SORBS2: variants seen among roughly 807,000 people sequenced by gnomAD.
The protein encoded by SORBS2 is sorbin and SH3 domain containing 2, also known as sorbin and SH3 domain-containing protein 2.
Under a neutral mutation model 97.7 loss-of-function variants are expected in SORBS2, and 46 were observed. That is an observed-to-expected ratio of 0.47 (90% CI 0.37 to 0.60). The LOEUF (loss-of-function observed/expected upper bound fraction) is 0.60, where lower values mean the gene tolerates loss of function less well. Among genes scored for constraint, SORBS2 ranks in the 20% least tolerant of loss-of-function variants. The pLI, the probability that SORBS2 is intolerant of heterozygous loss-of-function variation, is 0.00. For synonymous variants in SORBS2, 476 were observed against 473.4 expected, an observed-to-expected ratio of 1.01 and a Z score of -0.07; for missense variants, 1,316 against 1,282.3, an observed-to-expected ratio of 1.03 and a Z score of -0.40.
intron 1 of SORBS2, chr4:185,933,016 C>A (rs1004673070): frequency 2.0e-5 from 3 of 152,316 alleles, no homozygotes; most frequent in Admixed American, 6.5e-5. Flanking sequence ...TAAAGTGTTT[C>A]ACATCATTAC....
At chr4:185,892,617 C>A (rs1044365480) in intron 1 of SORBS2, among the ~76,000 whole-genome samples, 2 of 152,106 alleles carry the variant, frequency 1.3e-5, no homozygotes, top group Admixed American at 6.5e-5. Context: ...TGGCACATGT[C>A]GCAACATGGA....
At chr4:185,925,307 ACG>A (rs892848908) in intron 1 of SORBS2, among the ~76,000 whole-genome samples, 1 of 152,152 alleles carries the variant, frequency 6.6e-6, no homozygotes, top group African/African-American at 2.4e-5. Flanking sequence ...AAATTGATAA[ACG>A]CATTGTCTTA....
At chr4:185,848,451 A>G (rs967603568) in intron 1 of SORBS2, among the ~76,000 whole-genome samples, 10 of 152,166 alleles carry the variant, frequency 6.6e-5, no homozygotes, top group Non-Finnish European at 1.3e-4. Context: ...ACTGATTTTG[A>G]AACCAGGAAA....
Position 185,638,799 on chromosome 4 carries a change from C to T in SORBS2, c.396+7869G>A, listed in dbSNP as rs1561582800. On this transcript the variant is annotated intron_variant, in intron 4 of 14. Coordinates refer to ENST00000418609, the Ensembl canonical transcript of SORBS2. Reference sequence around the variant, plus strand: ...GAGCGGGACCCGGGGGAGTGGGAGTCGCCAGGCTCTGAGCAAGCAAGGGCT... The same window carrying T: ...GAGCGGGACCCGGGGGAGTGGGAGTTGCCAGGCTCTGAGCAAGCAAGGGCT... The T allele has an allele frequency of 1.1e-5, 15 of 1,337,490 alleles. No individual in the cohort carries two copies. The East Asian group carries it at 3.4e-4, about 30-fold the overall frequency. The allele number at this position is 1,337,490 out of a possible 1,614,324, so 82.9% of individuals were successfully genotyped here.
At chr4:185,775,591 T>G (rs1338335823) in intron 1 of SORBS2, 1 of 152,158 alleles carries the variant, frequency 6.6e-6, no homozygotes, top group Non-Finnish European at 1.5e-5. Flanking sequence ...TGTGCAAATA[T>G]TCATTTAAAT....
chr4:185,704,562 AC>A (rs1293335030), intron 2 of SORBS2, among the ~76,000 whole-genome samples: 2 of 151,390 alleles, frequency 1.3e-5, no homozygotes, highest in African/African-American at 4.9e-5. Context: ...CAGGTGATCC[AC>A]CCCCCTCGGC....
intron 1 of SORBS2, among the ~76,000 whole-genome samples, chr4:185,887,055 C>T (rs866500450): frequency 1.3e-5 from 2 of 152,086 alleles, no homozygotes; most frequent in African/African-American, 4.8e-5. Context: ...GGCTTTGCAG[C>T]ACACTTGAGT....
intron 2 of SORBS2, among the ~76,000 whole-genome samples, chr4:185,754,526 T>C (rs2098819703): frequency 6.6e-6 from 1 of 152,244 alleles, no homozygotes; most frequent in Non-Finnish European, 1.5e-5. Flanking sequence ...ACACGTTTTA[T>C]GTATAATCAC....
intron 1 of SORBS2, among the ~76,000 whole-genome samples, chr4:185,803,868 C>T (rs1283123485): frequency 6.6e-6 from 1 of 152,068 alleles, no homozygotes; most frequent in Non-Finnish European, 1.5e-5. Context: ...CTAAGACAGC[C>T]CTTCTCCCAA....
At chr4:185,847,393 C>T (rs901209081) in intron 1 of SORBS2, among the ~76,000 whole-genome samples, 1 of 152,098 alleles carries the variant, frequency 6.6e-6, no homozygotes, top group Non-Finnish European at 1.5e-5. Flanking sequence ...TCACTCTGCC[C>T]AGTGTGGAGG....
chr4:185,895,573 G>A lies in SORBS2; in HGVS notation c.-338+60623C>T, dbSNP rs370319860. Among the ~76,000 whole-genome samples, 45 of 152,310 alleles carry A rather than the reference G, an allele frequency of 3.0e-4. No homozygotes were observed. In the East Asian group the frequency reaches 8.7e-3, roughly 30 times the overall value. On this transcript the variant is annotated intron_variant, in intron 1 of 20. Coordinates refer to the SORBS2 transcript ENST00000284776. ...TGGCATCACCCCCGCCAGGATCCCG[G>A]GTGCACCGGGCCCAGTGCCCGGCTG... is the stretch of plus-strand genomic sequence containing the variant.
chr4:185,692,588 G>C (rs1191646722), intron 2 of SORBS2, among the ~76,000 whole-genome samples: 1 of 152,100 alleles, frequency 6.6e-6, no homozygotes, highest in African/African-American at 2.4e-5. Context: ...GCCTGGCTTT[G>C]TTCATTACTG....
chr4:185,809,494 A>G (rs921157875), intron 1 of SORBS2, among the ~76,000 whole-genome samples: 10 of 146,302 alleles, frequency 6.8e-5, no homozygotes, highest in African/African-American at 2.5e-4. Flanking sequence ...CTGATATAGT[A>G]TGTTTTGGAA....
chr4:185,682,388 T>C (rs1015785277), intron 2 of SORBS2, among the ~76,000 whole-genome samples: 1 of 152,208 alleles, frequency 6.6e-6, no homozygotes, highest in African/African-American at 2.4e-5. Flanking sequence ...AGGTTTAAAA[T>C]ATCCGTGTGT....
intron 12 of SORBS2, among the ~76,000 whole-genome samples, chr4:185,609,260 T>C (rs1209041404): frequency 6.6e-6 from 1 of 152,226 alleles, no homozygotes; most frequent in Non-Finnish European, 1.5e-5. Flanking sequence ...TACCCCTTGT[T>C]ACATAACACA....
chr4:185,884,274 T>C (rs1394617166), intron 1 of SORBS2, among the ~76,000 whole-genome samples: 2 of 152,214 alleles, frequency 1.3e-5, no homozygotes, highest in Non-Finnish European at 2.9e-5. Context: ...ATCATTTCTA[T>C]CTGGATATTC....
chr4:185,853,202 C>T (rs544814796), intron 1 of SORBS2, among the ~76,000 whole-genome samples: 12 of 152,186 alleles, frequency 7.9e-5, no homozygotes, highest in African/African-American at 2.2e-4. Context: ...TAAATAATAG[C>T]GACCATCACA....
intron 2 of SORBS2, chr4:185,773,889 C>T (rs1368932950): frequency 2.6e-5 from 4 of 151,442 alleles, no homozygotes; most frequent in Non-Finnish European, 4.4e-5. Context: ...TAAGAAATCC[C>T]TTATCCCTTA....
intron 1 of SORBS2, among the ~76,000 whole-genome samples, chr4:185,948,433 C>G (rs2099275565): frequency 6.6e-6 from 1 of 151,528 alleles, no homozygotes; most frequent in Non-Finnish European, 1.5e-5. Flanking sequence ...ATGATAATCA[C>G]TGGTTTCCAC....
Sources: gnomAD v4.1 joint callset for allele counts (sites outside exome capture counted in the v4.1 genomes callset) on GRCh38, gnomAD v4.1.1 for gene constraint, MANE v1.5 for transcripts, NCBI Gene and HGNC (gene_info 2026-07-23, HGNC 2026-07-21) for gene names.